The following UCK2 variants were observed in gnomAD, a reference collection of about 807,000 sequenced individuals.
UCK2 encodes the protein uridine-cytidine kinase 2.
Under a neutral mutation model 30.8 loss-of-function variants are expected in UCK2, and 6 were observed. The ratio of observed to expected loss-of-function variants is 0.19; its 90% CI spans 0.11 to 0.38. UCK2 has a LOEUF of 0.38. Among genes scored for constraint, UCK2 ranks in the 10% least tolerant of loss-of-function variants. The pLI is 1.00. For synonymous variants in UCK2, 125 were observed against 133.6 expected (o/e 0.94, Z 0.45); for missense variants, 210 against 339.8 (o/e 0.62, Z 3.00).
chr1:165,864,189 C>A (rs1271093190), intron 1 of UCK2, among the ~76,000 whole-genome samples: 1 of 152,194 alleles, frequency 6.6e-6, no homozygotes, highest in Non-Finnish European at 1.5e-5. Flanking sequence ...CTCAGGTGAT[C>A]CACCCGCCTT....
intron 1 of UCK2, among the ~76,000 whole-genome samples, chr1:165,868,295 C>T (rs1655097443): frequency 6.6e-6 from 1 of 152,192 alleles, no homozygotes; most frequent in Non-Finnish European, 1.5e-5. Flanking sequence ...GGTAAATGAG[C>T]ATTGACTTCA....
chr1:165,861,421 C>T (rs1037051779), intron 1 of UCK2, among the ~76,000 whole-genome samples: 2 of 151,468 alleles, frequency 1.3e-5, no homozygotes, highest in Non-Finnish European at 2.9e-5. Context: ...GAGGTCCGGA[C>T]ATCGAGACCA....
chr1:165,828,512 G>C (rs1394140523), intron 1 of UCK2, among the ~76,000 whole-genome samples: 1 of 152,262 alleles, frequency 6.6e-6, no homozygotes, highest in Non-Finnish European at 1.5e-5. Flanking sequence ...CCGGGTAAAA[G>C]TCTGAGAGCC....
intron 1 of UCK2, among the ~76,000 whole-genome samples, chr1:165,856,680 T>C (rs1214791881): frequency 3.3e-5 from 5 of 152,172 alleles, no homozygotes; most frequent in African/African-American, 1.2e-4. Flanking sequence ...AAATTGCTTA[T>C]GGTTAGTTTT....
At chr1:165,859,912 C>T (rs1248345103) in intron 1 of UCK2, among the ~76,000 whole-genome samples, 2 of 152,176 alleles carry the variant, frequency 1.3e-5, no homozygotes, top group African/African-American at 2.4e-5. Flanking sequence ...CCTTGTCCAC[C>T]CTGCTTTGCC....
intron 1 of UCK2, among the ~76,000 whole-genome samples, chr1:165,879,965 A>C (rs1190874064): frequency 6.6e-6 from 1 of 152,220 alleles, no homozygotes; most frequent in Non-Finnish European, 1.5e-5. Flanking sequence ...AGGAGAAATT[A>C]AGAAGAAAAT....
At chr1:165,889,874 G>GT (rs1655722842) in intron 1 of UCK2, among the ~76,000 whole-genome samples, 2 of 151,896 alleles carry the variant, frequency 1.3e-5, no homozygotes, top group Non-Finnish European at 2.9e-5. Context: ...CCCAGTGTGT[G>GT]TTGTTCCCCT....
chr1:165,838,715 T>C (rs1482103769), intron 1 of UCK2, among the ~76,000 whole-genome samples: 1 of 151,814 alleles, frequency 6.6e-6, no homozygotes, highest in Non-Finnish European at 1.5e-5. Flanking sequence ...CTTGTAAGTG[T>C]GCATGCTAGA....
chr1:165,828,028 A>G (rs1027920754), intron 1 of UCK2, 96 bp downstream of exon 1: 32 of 976,166 alleles, frequency 3.3e-5, no homozygotes, highest in Middle Eastern at 3.6e-4. Context: ...TGCGGCAGCC[A>G]CCGCGTGGCC....
intron 4 of UCK2, chr1:165,902,591 G>GTTTT (rs1557850463): frequency 2.6e-5 from 1 of 38,896 alleles, no homozygotes; most frequent in Non-Finnish European, 7.0e-5. Context: ...TTCACTGAGT[G>GTTTT]ATTTTTTTTT....
At chr1:165,903,343 A>C in intron 5 of UCK2, 64 bp downstream of exon 5, 1 of 1,462,062 alleles carries the variant, frequency 6.8e-7, no homozygotes, top group South Asian at 1.2e-5. Flanking sequence ...ATATAAACGA[A>C]GGTGTGCAAG....
At chr1:165,832,209 T>G (rs1465212418) in intron 1 of UCK2, among the ~76,000 whole-genome samples, 1 of 152,210 alleles carries the variant, frequency 6.6e-6, no homozygotes, top group Non-Finnish European at 1.5e-5. Flanking sequence ...TGAGGGAGCT[T>G]TGTTACCCAT....
chr1:165,871,095 G>A (rs1418072118), intron 1 of UCK2, among the ~76,000 whole-genome samples: 1 of 152,060 alleles, frequency 6.6e-6, no homozygotes, highest in Non-Finnish European at 1.5e-5. Flanking sequence ...GGATTACAGG[G>A]GTGAGCCACC....
intron 1 of UCK2, among the ~76,000 whole-genome samples, chr1:165,880,562 T>G (rs1195908951): frequency 8.6e-6 from 1 of 115,812 alleles, no homozygotes; most frequent in Non-Finnish European, 1.8e-5. Context: ...CAGTTTTTTT[T>G]GGGGGTGTGT....
At chr1:165,873,149 A>G (rs1049368777) in intron 1 of UCK2, among the ~76,000 whole-genome samples, 8 of 152,226 alleles carry the variant, frequency 5.3e-5, no homozygotes, top group African/African-American at 1.9e-4. Flanking sequence ...CCAGAATTTC[A>G]TGTCTGGTTT....
intron 3 of UCK2, chr1:165,892,200 G>T (rs2101882455): frequency 8.0e-6 from 1 of 125,756 alleles, no homozygotes; most frequent in East Asian, 2.7e-4. Context: ...AGAGGAGAGT[G>T]AAAGATCAGG....
At chr1:165,888,619 G>A (rs886755224) in intron 1 of UCK2, among the ~76,000 whole-genome samples, 10 of 148,202 alleles carry the variant, frequency 6.7e-5, no homozygotes, top group South Asian at 2.2e-4. Flanking sequence ...CTATTTATTC[G>A]GTTGACCAGT....
At chr1:165,902,031 C>T (rs529859) in intron 4 of UCK2, among the ~76,000 whole-genome samples, 1 of 150,270 alleles carries the variant, frequency 6.7e-6, no homozygotes, top group African/African-American at 2.5e-5. Flanking sequence ...GTCAGGAGAT[C>T]GAGACCATCC....
intron 1 of UCK2, among the ~76,000 whole-genome samples, chr1:165,878,210 A>T (rs1347266380): frequency 6.6e-6 from 1 of 152,136 alleles, no homozygotes; most frequent in Admixed American, 6.6e-5. Context: ...CTTTTTAAGA[A>T]TGTCATATAC....
Sources: gnomAD v4.1 joint callset for allele counts (sites outside exome capture counted in the v4.1 genomes callset) on GRCh38, gnomAD v4.1.1 for gene constraint, MANE v1.5 for transcripts, NCBI Gene and HGNC (gene_info 2026-07-23, HGNC 2026-07-21) for gene names.